Variants in KLF12 observed in about 807,000 individuals in gnomAD.
The protein encoded by KLF12 is Krueppel-like factor 12.
A neutral mutation model predicts 37.8 loss-of-function variants in KLF12; 9 were observed. That is an observed-to-expected ratio of 0.24 (90% CI 0.14 to 0.42). The LOEUF is 0.42. Among genes scored for constraint, KLF12 ranks in the 10% least tolerant of loss-of-function variants. The pLI, the probability that KLF12 is intolerant of heterozygous loss-of-function variation, is 1.00. For missense variants in KLF12, 411 were observed against 516.0 expected, an observed-to-expected ratio of 0.80 and a Z score of 1.97; for synonymous variants, 208 against 202.1, an observed-to-expected ratio of 1.03 and a Z score of -0.25.
the KLF12 span, among the ~76,000 whole-genome samples, chr13:74,240,243 C>A: frequency 0.031 from 4,601 of 147,862 alleles, 106 homozygotes; most frequent in Non-Finnish European, 0.044. Flanking sequence ...GTTGAAAATT[C>A]TTTTCTTTAA....
the KLF12 span, among the ~76,000 whole-genome samples, chr13:74,150,166 A>T: frequency 6.6e-6 from 1 of 152,100 alleles, no homozygotes; most frequent in Non-Finnish European, 1.5e-5. Flanking sequence ...CACGTTGCCT[A>T]GTATAATATA....
chr13:73,784,505 C>T (rs1056419258), intron 5 of KLF12, among the ~76,000 whole-genome samples: 3 of 146,640 alleles, frequency 2.0e-5, no homozygotes, highest in Admixed American at 1.3e-4. Context: ...ACTTCAGTAA[C>T]GAGCCTTGCT....
At chr13:74,115,718 AAAT>A (rs1179881297) in intron 1 of KLF12, among the ~76,000 whole-genome samples, 1 of 151,630 alleles carries the variant, frequency 6.6e-6, no homozygotes, top group Non-Finnish European at 1.5e-5. Flanking sequence ...AAAAAAAAAA[AAAT>A]CTTTTCCTTG....
intron 5 of KLF12, among the ~76,000 whole-genome samples, chr13:73,804,943 A>G (rs757020973): frequency 2.0e-5 from 3 of 152,232 alleles, no homozygotes; most frequent in African/African-American, 2.4e-5. Context: ...GAAATAATTT[A>G]ACACTGAAAT....
the KLF12 span, among the ~76,000 whole-genome samples, chr13:74,143,792 T>C: frequency 6.6e-6 from 1 of 152,200 alleles, no homozygotes; most frequent in East Asian, 1.9e-4. Flanking sequence ...CCATTCTGTT[T>C]TTCACATTCA....
At chr13:74,214,425 G>A in the KLF12 span, among the ~76,000 whole-genome samples, 2 of 152,130 alleles carry the variant, frequency 1.3e-5, no homozygotes, top group East Asian at 1.9e-4. Flanking sequence ...TAACATCCTC[G>A]TTGTTCAGTA....
chr13:74,007,497 G>A (rs1051047268), intron 1 of KLF12, among the ~76,000 whole-genome samples: 1 of 151,800 alleles, frequency 6.6e-6, no homozygotes, highest in African/African-American at 2.4e-5. Flanking sequence ...GGATGGTCCC[G>A]ATCTCCTGAC....
intron 2 of KLF12, among the ~76,000 whole-genome samples, chr13:73,957,092 A>C (rs1435777361): frequency 9.1e-6 from 1 of 109,430 alleles, no homozygotes; most frequent in Admixed American, 9.0e-5. Flanking sequence ...AAAGGAAAGG[A>C]AAGGAAAGGA....
chr13:73,862,474 T>C (rs1191634846), intron 3 of KLF12, among the ~76,000 whole-genome samples: 1 of 152,184 alleles, frequency 6.6e-6, no homozygotes, highest in Non-Finnish European at 1.5e-5. Flanking sequence ...GCCTCAACTA[T>C]TAATGCAATA....
intron 4 of KLF12, among the ~76,000 whole-genome samples, chr13:73,843,412 A>T (rs2138669390): frequency 6.6e-6 from 1 of 151,914 alleles, no homozygotes; most frequent in South Asian, 2.1e-4. Flanking sequence ...TTAAGCGATG[A>T]TTCTCCTGCC....
intron 5 of KLF12, among the ~76,000 whole-genome samples, chr13:73,768,366 G>C (rs1231547894): frequency 6.6e-6 from 1 of 152,184 alleles, no homozygotes; most frequent in Non-Finnish European, 1.5e-5. Flanking sequence ...TCAGAGGATA[G>C]AGCTGGACTA....
At position 73,692,032 on chromosome 13, in the gene KLF12, T is replaced by TA. The variant is rs1290122255; in HGVS notation, c.*3457dup. The TA allele has an allele frequency of 1.1e-4, 17 of 152,632 alleles. No homozygotes were observed. The highest frequency in any genetic ancestry group is 2.0e-4 in the Admixed American group (3 of 15,284). 9.5% of individuals were successfully genotyped at this position (152,632 alleles called of 1,614,324 possible). ...AGTGAATGAAAAGTGCTCATTTTTT[T>TA]AAAAAATGTGGTTTATGTTGCTGTT... On this transcript the variant is annotated 3_prime_UTR_variant, in exon 8 of 8. Transcript: ENST00000377669.
At chr13:73,765,157 C>A (rs1879829048) in intron 5 of KLF12, among the ~76,000 whole-genome samples, 157 bp from the exon 6 acceptor site, 1 of 152,154 alleles carries the variant, frequency 6.6e-6, no homozygotes, top group African/African-American at 2.4e-5. Flanking sequence ...AATTAAATTC[C>A]TACGCCTGCA....
intron 3 of KLF12, among the ~76,000 whole-genome samples, chr13:73,922,535 T>C (rs1181985289): frequency 6.6e-6 from 1 of 152,150 alleles, no homozygotes; most frequent in Non-Finnish European, 1.5e-5. Flanking sequence ...TTTTGTTTTG[T>C]TGGGGGTGGG....
At chr13:73,763,212 CATTAT>C (rs1879683392) in intron 6 of KLF12, among the ~76,000 whole-genome samples, 1 of 152,152 alleles carries the variant, frequency 6.6e-6, no homozygotes, top group African/African-American at 2.4e-5. Context: ...TCCTTCTAAA[CATTAT>C]ATTATAAATA....
chr13:73,852,113 C>A (rs560099652), intron 3 of KLF12, among the ~76,000 whole-genome samples: 2 of 152,236 alleles, frequency 1.3e-5, no homozygotes, highest in South Asian at 4.1e-4. Context: ...TTCCTCTATT[C>A]TTTTGTATTA....
chr13:73,874,678 G>A (rs1002468640), intron 3 of KLF12, among the ~76,000 whole-genome samples: 1 of 152,100 alleles, frequency 6.6e-6, no homozygotes, highest in African/African-American at 2.4e-5. Flanking sequence ...CTCCACCTTG[G>A]CAGATGGCTT....
intron 3 of KLF12, among the ~76,000 whole-genome samples, chr13:73,886,647 AGACAGGAAAACAAATCCATTG>A (rs1372482699): frequency 6.6e-6 from 1 of 152,186 alleles, no homozygotes; most frequent in African/African-American, 2.4e-5. Flanking sequence ...AAAAGAAAAA[AGACAGGAAAACAAATCCATTG>A]GATACTTCAA....
chr13:73,898,262 A>C (rs979636932), intron 3 of KLF12, among the ~76,000 whole-genome samples: 1 of 152,186 alleles, frequency 6.6e-6, no homozygotes, highest in Admixed American at 6.5e-5. Context: ...CTAACAAAAA[A>C]TTCAAGGGTA....
Sources: allele counts gnomAD v4.1 joint callset (sites outside exome capture counted in the v4.1 genomes callset), GRCh38; gene constraint gnomAD v4.1.1; transcripts MANE v1.5; gene names NCBI Gene and HGNC (gene_info 2026-07-23, HGNC 2026-07-21).